The following CAPN14 variants were observed in gnomAD, a reference collection of about 807,000 sequenced individuals.
The protein encoded by CAPN14 is calpain-14.
In CAPN14, 94 loss-of-function variants were observed where a neutral mutation model predicts 101.3. That is an observed-to-expected ratio of 0.93 (90% CI 0.79 to 1.10). CAPN14 has a LOEUF of 1.10. Among genes scored for constraint, CAPN14 ranks in the 50% least tolerant of loss-of-function variants. CAPN14 has a pLI of 0.00. For missense variants in CAPN14, 837 were observed against 828.4 expected, an observed-to-expected ratio of 1.01 and a Z score of -0.13; for synonymous variants, 338 against 317.9, an observed-to-expected ratio of 1.06 and a Z score of -0.67.
rs2148711193 is a variant in CAPN14, at chr2:31,230,433, C to A, written c.-177+3358G>T. Among the ~76,000 whole-genome samples, 1 of 152,306 alleles carries A rather than the reference C, an allele frequency of 6.6e-6. No homozygotes were observed. Among genetic ancestry groups the A allele is most frequent in the East Asian group, 1.9e-4 (1 of 5,184 alleles). ...ACATCTTCAGCTTCACTAAGCAATGCCAAACTGTTTCCCAAAGTATTTGTG... is the reference window on the plus strand; with the variant it reads ...ACATCTTCAGCTTCACTAAGCAATGACAAACTGTTTCCCAAAGTATTTGTG... On this transcript the variant is annotated intron_variant and NMD_transcript_variant, in intron 1 of 21. Coordinates refer to the CAPN14 transcript ENST00000398824. This position sits in a 1 kb window ranked among gnomAD's most constrained non-coding sequence, Gnocchi z 4.3.
intron 1 of CAPN14, among the ~76,000 whole-genome samples, chr2:31,217,179 C>T (rs1348611095): frequency 2.0e-5 from 3 of 152,142 alleles, no homozygotes; most frequent in Non-Finnish European, 2.9e-5. Context: ...TCAGAAATTA[C>T]CCAGGCCCAA....
At position 31,200,069 on chromosome 2, in the gene CAPN14, T is replaced by C. The variant is rs577459345; in HGVS notation, c.726+382A>G. The stretch of plus-strand genomic sequence containing the variant: ...CCCAGGCTGGAGTGCAAGGGTGAGA[T>C]CTCGGGTTACTGCAACCTCCGCCTC... On this transcript the variant is annotated intron_variant, in intron 6 of 21. Coordinates refer to ENST00000403897, the MANE Select transcript of CAPN14 (RefSeq NM_001145122.2). Among the ~76,000 whole-genome samples the C allele has an allele frequency of 4.6e-5, 7 of 151,430 alleles. No homozygotes were observed. In the East Asian group the frequency reaches 1.4e-3, roughly 30 times the overall value.
chr2:31,222,407 A>C (rs1261323294), upstream of CAPN14, among the ~76,000 whole-genome samples: 1 of 152,146 alleles, frequency 6.6e-6, no homozygotes, highest in Non-Finnish European at 1.5e-5. Flanking sequence ...GAAAGAGCTT[A>C]CGTTTGGAGT....
intron 1 of CAPN14, among the ~76,000 whole-genome samples, chr2:31,214,093 C>A (rs1221710209): frequency 6.6e-6 from 1 of 152,094 alleles, no homozygotes; most frequent in African/African-American, 2.4e-5. Flanking sequence ...ATGGTATAGG[C>A]TTTTTAAAAT....
chr2:31,232,836 C>T (rs1022004246), intron 1 of CAPN14, among the ~76,000 whole-genome samples: 1 of 152,224 alleles, frequency 6.6e-6, no homozygotes, highest in Non-Finnish European at 1.5e-5. Context: ...CCCTCCAACA[C>T]TGCTCTTGGC....
At chr2:31,206,184 G>C in intron 1 of CAPN14, among the ~76,000 whole-genome samples, 1 of 151,866 alleles carries the variant, frequency 6.6e-6, no homozygotes, top group Non-Finnish European at 1.5e-5. Context: ...CAAGGCCGCA[G>C]GGGGTGCTGG....
intron 17 of CAPN14, 132 bp from the exon 18 acceptor site, chr2:31,178,711 G>A (rs1423174548): frequency 9.9e-5 from 60 of 603,144 alleles, no homozygotes; most frequent in Middle Eastern, 9.2e-4. Context: ...GTCTGATTTC[G>A]CTAGTTCGCC....
chr2:31,230,597 A>C lies in CAPN14; in HGVS notation c.-177+3194T>G, dbSNP rs1038027199. Among the ~76,000 whole-genome samples, 13 of 152,190 alleles carry C rather than the reference A, an allele frequency of 8.5e-5. No homozygotes were observed. Among genetic ancestry groups the C allele is most frequent in the Non-Finnish European group, 1.8e-4 (12 of 68,040 alleles). On this transcript the variant is annotated intron_variant and NMD_transcript_variant, in intron 1 of 21. Coordinates refer to the CAPN14 transcript ENST00000398824. The surrounding 1 kb of genome is among the most constrained non-coding windows in gnomAD (Gnocchi z 4.3). Reference sequence around the variant, plus strand: ...TGGTTTGGCATTTCTCTAATTACTAATGAGATGCAACATGTTTTCTTGCGT... The same window carrying C: ...TGGTTTGGCATTTCTCTAATTACTACTGAGATGCAACATGTTTTCTTGCGT...
intron 1 of CAPN14, among the ~76,000 whole-genome samples, chr2:31,227,845 G>C (rs1251865895): frequency 2.0e-5 from 3 of 152,248 alleles, no homozygotes; most frequent in Admixed American, 1.3e-4. Flanking sequence ...TGTAATTATA[G>C]TAACATGTGA....
intron 5 of CAPN14, among the ~76,000 whole-genome samples, chr2:31,201,092 CAT>C (rs1681736170): frequency 6.6e-6 from 1 of 150,982 alleles, no homozygotes; most frequent in African/African-American, 2.4e-5. Flanking sequence ...TGCATGTGTG[CAT>C]GTGTGTGTGT....
chr2:31,181,295 C>G (rs1270382330), intron 16 of CAPN14, among the ~76,000 whole-genome samples: 1 of 152,070 alleles, frequency 6.6e-6, no homozygotes, highest in Non-Finnish European at 1.5e-5. Context: ...GAGTCAAACT[C>G]CCAAATCTCA....
At position 31,230,485 on chromosome 2, in the gene CAPN14, A is replaced by G. The variant is rs1448702592; in HGVS notation, c.-177+3306T>C. Among the ~76,000 whole-genome samples the G allele has an allele frequency of 6.6e-6, 1 of 152,190 alleles. No homozygotes were observed. Among genetic ancestry groups the G allele is most frequent in the Non-Finnish European group, 1.5e-5 (1 of 68,028 alleles). ...CAGCCTGCACGCCCATCAGCATTTT[A>G]TGAGAGCTCCCATTGCTCTACATCC... On this transcript the variant is annotated intron_variant and NMD_transcript_variant, in intron 1 of 21. Coordinates refer to the CAPN14 transcript ENST00000398824. This position sits in a 1 kb window ranked among gnomAD's most constrained non-coding sequence, Gnocchi z 4.3.
In CAPN14 at chr2:31,178,469, T is replaced by C. The variant is rs564339790; in HGVS notation, c.1779+42A>G. ...TACAGCTTTGCAGAACTGCCATTCC[T>C]ACACCATCTTCCAAAGAGGTGTGGT... On this transcript the variant is annotated intron_variant, in intron 18 of 21. Coordinates refer to ENST00000403897, the MANE Select transcript of CAPN14 (RefSeq NM_001145122.2). The C allele has an allele frequency of 3.9e-4, 567 of 1,462,106 alleles. No homozygotes were observed. The highest frequency in any genetic ancestry group is 4.9e-4 in the Non-Finnish European group (520 of 1,065,502). The allele number at this position is 1,462,106 out of a possible 1,614,324, so 90.6% of individuals were successfully genotyped here.
At chr2:31,221,310 T>C (rs1346335410), upstream of CAPN14, among the ~76,000 whole-genome samples, 1 of 152,196 alleles carries the variant, frequency 6.6e-6, no homozygotes, top group African/African-American at 2.4e-5. Context: ...TGGGGAGGGC[T>C]TGGGGACAGG....
rs1204196750 is a variant in CAPN14 at position 31,230,738 on chromosome 2, G to T, written c.-177+3053C>A. 6.6e-6 allele frequency among the ~76,000 whole-genome samples: 1 copy of T among 152,044 alleles called. No individual in the cohort carries two copies. The highest frequency in any genetic ancestry group is 2.4e-5 in the African/African-American group (1 of 41,380). On this transcript the variant is annotated intron_variant and NMD_transcript_variant, in intron 1 of 21. Coordinates refer to the CAPN14 transcript ENST00000398824. This position sits in a 1 kb window ranked among gnomAD's most constrained non-coding sequence, Gnocchi z 4.3. ...TGCACAGCCATTAGTTCTATATTCT[G>T]GATGTGCTTTCATGGGTTTTTGTGT...
At chr2:31,189,501 C>T in intron 12 of CAPN14, 23 bp from the exon 13 acceptor site, 16 of 1,539,578 alleles carry the variant, frequency 1.0e-5, no homozygotes, top group Non-Finnish European at 1.4e-5. Flanking sequence ...GACAGAAGAA[C>T]AGCAAGGGAG....
intron 1 of CAPN14, among the ~76,000 whole-genome samples, chr2:31,205,882 T>C (rs1232694137): frequency 6.6e-6 from 1 of 151,882 alleles, no homozygotes; most frequent in Non-Finnish European, 1.5e-5. Flanking sequence ...CCTGCCAAGG[T>C]AGTGGGGAGT....
At chr2:31,188,881 C>A (rs1402650096) in intron 13 of CAPN14, among the ~76,000 whole-genome samples, 1 of 152,162 alleles carries the variant, frequency 6.6e-6, no homozygotes, top group Non-Finnish European at 1.5e-5. Flanking sequence ...CTGCTTCCCC[C>A]AGGACCATGG....
chr2:31,227,907 G>A (rs1683072329), intron 1 of CAPN14, among the ~76,000 whole-genome samples: 1 of 152,216 alleles, frequency 6.6e-6, no homozygotes, highest in South Asian at 2.1e-4. Flanking sequence ...GGGGAGAGGG[G>A]CACAGCCTTC....
Sources: gnomAD v4.1 joint callset for allele counts (sites outside exome capture counted in the v4.1 genomes callset) on GRCh38, gnomAD v4.1.1 for gene constraint, Gnocchi (gnomAD v3.1) non-coding constraint, MANE v1.5 for transcripts, NCBI Gene and HGNC (gene_info 2026-07-23, HGNC 2026-07-21) for gene names.